GLIS3: variants seen among roughly 807,000 people sequenced by gnomAD.
GLIS3 encodes GLIS family zinc finger 3.
Under a neutral mutation model 78.6 loss-of-function variants are expected in GLIS3, and 53 were observed. That is an observed-to-expected ratio of 0.67 (90% CI 0.54 to 0.85). The LOEUF is 0.85. Among genes scored for constraint, GLIS3 ranks in the 40% least tolerant of loss-of-function variants. The probability of loss-of-function intolerance (pLI) is 0.00; values close to 1 mark genes in which losing one functional copy is unlikely to be tolerated. For missense variants in GLIS3, 1,703 were observed against 1,231.1 expected, an observed-to-expected ratio of 1.38 and a Z score of -5.74; for synonymous variants, 684 against 509.9, an observed-to-expected ratio of 1.34 and a Z score of -4.60.
the GLIS3 span, among the ~76,000 whole-genome samples, chr9:4,453,652 G>A: frequency 6.6e-6 from 1 of 152,150 alleles, no homozygotes; most frequent in Non-Finnish European, 1.5e-5. Context: ...TATACATCAT[G>A]GAATACTATG....
intron 2 of GLIS3, among the ~76,000 whole-genome samples, chr9:4,228,572 C>T (rs1025493105): frequency 6.6e-6 from 1 of 152,150 alleles, no homozygotes; most frequent in African/African-American, 2.4e-5. Flanking sequence ...GCAAATACAG[C>T]CAGGGCAAGG....
chr9:4,210,957 C>T (rs535758438), intron 2 of GLIS3, among the ~76,000 whole-genome samples: 9 of 152,338 alleles, frequency 5.9e-5, no homozygotes, highest in South Asian at 4.1e-4. Flanking sequence ...CCATCCTCTG[C>T]GCAGAGTTTC....
At chr9:3,943,813 C>T (rs473831) in intron 4 of GLIS3, among the ~76,000 whole-genome samples, 1,940 of 152,296 alleles carry the variant, frequency 0.013, 47 homozygotes, top group African/African-American at 0.044. Flanking sequence ...AAGTGGCCTA[C>T]AGTCCTCATT....
At chr9:3,995,936 C>T (rs898038589) in intron 4 of GLIS3, among the ~76,000 whole-genome samples, 3 of 151,886 alleles carry the variant, frequency 2.0e-5, no homozygotes, top group Admixed American at 2.0e-4. Flanking sequence ...CAAAAAGACA[C>T]AATAATTTTA....
At chr9:4,252,149 C>T (rs1477281711) in intron 2 of GLIS3, among the ~76,000 whole-genome samples, 1 of 152,068 alleles carries the variant, frequency 6.6e-6, no homozygotes, top group Non-Finnish European at 1.5e-5. Context: ...TGAATGTTGG[C>T]CTGTCTTGCT....
chr9:4,453,345 C>CAA, the GLIS3 span, among the ~76,000 whole-genome samples: 5,629 of 91,416 alleles, frequency 0.062, 322 homozygotes, highest in East Asian at 0.21. Flanking sequence ...TTCTGCACAG[C>CAA]AAAAAAAAAA....
intron 8 of GLIS3, among the ~76,000 whole-genome samples, chr9:3,865,747 T>C (rs1470312410): frequency 1.3e-5 from 2 of 152,200 alleles, no homozygotes; most frequent in Non-Finnish European, 2.9e-5. Flanking sequence ...GTTTGGAATA[T>C]GGAAACAAAA....
chr9:4,406,967 A>C, the GLIS3 span, among the ~76,000 whole-genome samples: 1 of 152,322 alleles, frequency 6.6e-6, no homozygotes, highest in East Asian at 1.9e-4. Flanking sequence ...TAGAATTACA[A>C]AAGACCCAGA....
chr9:4,069,166 G>C (rs548435588), intron 4 of GLIS3, among the ~76,000 whole-genome samples: 1 of 152,208 alleles, frequency 6.6e-6, no homozygotes, highest in African/African-American at 2.4e-5. Context: ...AACCTGCCGA[G>C]CAGAGGAGAT....
chr9:4,244,795 C>T (rs1052920791), intron 2 of GLIS3, among the ~76,000 whole-genome samples: 1 of 152,008 alleles, frequency 6.6e-6, no homozygotes, highest in Non-Finnish European at 1.5e-5. Flanking sequence ...AGGCTGGTCT[C>T]GAACTCCTGG....
At chr9:4,457,198 A>G in the GLIS3 span, among the ~76,000 whole-genome samples, 1 of 152,076 alleles carries the variant, frequency 6.6e-6, no homozygotes, top group Non-Finnish European at 1.5e-5. Flanking sequence ...CCCTGTCTCT[A>G]TAAAAATAAA....
chr9:3,920,211 G>C (rs1034073265), intron 6 of GLIS3, among the ~76,000 whole-genome samples: 27 of 152,000 alleles, frequency 1.8e-4, no homozygotes, highest in African/African-American at 5.6e-4. Flanking sequence ...CTCCGTGTTA[G>C]CCAGGATGGT....
At chr9:4,314,155 G>A (rs1484102960) in intron 2 of GLIS3, among the ~76,000 whole-genome samples, 1 of 152,196 alleles carries the variant, frequency 6.6e-6, no homozygotes, top group Non-Finnish European at 1.5e-5. Context: ...TATCTCATAG[G>A]ATGGTCATGA....
chr9:4,015,082 G>C (rs1161202252), intron 4 of GLIS3, among the ~76,000 whole-genome samples: 1 of 152,164 alleles, frequency 6.6e-6, no homozygotes, highest in East Asian at 1.9e-4. Flanking sequence ...AGAAAACATA[G>C]TGTCCAATAA....
At position 3,898,783 on chromosome 9, in the gene GLIS3, A is replaced by G; in HGVS notation, c.2036T>C (p.Val679Ala). Residue 679 changes from valine to alanine, a missense_variant, in exon 7 of 11, where the codon GTG (valine) becomes GCG (alanine). By Grantham distance (64) the Val-to-Ala change is moderately conservative. Coordinates refer to ENST00000381971, the MANE Select transcript of GLIS3 (RefSeq NM_001042413.2). Reference sequence around the variant, plus strand: ...GGAAGTGGCCGGCTGCAGGGACTGCACGGTGAGGCAATCTGTGAGCAGGTC... The same window carrying G: ...GGAAGTGGCCGGCTGCAGGGACTGCGCGGTGAGGCAATCTGTGAGCAGGTC... ...HPDLLTDCLT[V>A]QSLQPATSPR... 6.2e-7 allele frequency: 1 copy of G among 1,614,220 alleles called. No homozygotes were observed. Among genetic ancestry groups the G allele is most frequent in the Non-Finnish European group, 8.5e-7 (1 of 1,180,032 alleles).
At chr9:3,912,294 C>T (rs1415537395) in intron 6 of GLIS3, among the ~76,000 whole-genome samples, 5 of 152,140 alleles carry the variant, frequency 3.3e-5, no homozygotes, top group Non-Finnish European at 5.9e-5. Flanking sequence ...ACTAGCGTCC[C>T]GGGGCAGTCT....
intron 2 of GLIS3, among the ~76,000 whole-genome samples, chr9:4,148,590 G>A (rs571223783): frequency 6.7e-4 from 102 of 151,994 alleles, no homozygotes; most frequent in African/African-American, 2.2e-3. Context: ...CATGAGGACA[G>A]GGACTGTACC....
chr9:4,443,641 G>T, the GLIS3 span, among the ~76,000 whole-genome samples: 1 of 152,174 alleles, frequency 6.6e-6, no homozygotes, highest in Non-Finnish European at 1.5e-5. Flanking sequence ...AAGGAAGCAA[G>T]AGCACAGCTG....
chr9:4,062,160 C>T (rs187872796), intron 4 of GLIS3, among the ~76,000 whole-genome samples: 117 of 152,266 alleles, frequency 7.7e-4, no homozygotes, highest in Non-Finnish European at 1.4e-3. Context: ...CGTTCTTTGA[C>T]GCAAAGGAGC....
Sources: allele counts gnomAD v4.1 joint callset (sites outside exome capture counted in the v4.1 genomes callset), GRCh38; gene constraint gnomAD v4.1.1; transcripts MANE v1.5; gene names NCBI Gene and HGNC (gene_info 2026-07-23, HGNC 2026-07-21).